GULP1: variants seen among roughly 807,000 people sequenced by gnomAD.
GULP1 encodes the protein PTB domain-containing engulfment adapter protein 1.
A neutral mutation model predicts 40.9 loss-of-function variants in GULP1; 19 were observed. That is an observed-to-expected ratio of 0.46 (90% CI 0.32 to 0.68). The LOEUF is 0.68. GULP1 is among the 30% of genes least tolerant of loss of function. The pLI, the probability that GULP1 is intolerant of heterozygous loss-of-function variation, is 0.03. For missense variants in GULP1, 312 were observed against 362.2 expected, an observed-to-expected ratio of 0.86 and a Z score of 1.12; for synonymous variants, 119 against 117.6, an observed-to-expected ratio of 1.01 and a Z score of -0.08.
At chr2:188,369,666 G>C (rs989797997) in intron 1 of GULP1, among the ~76,000 whole-genome samples, 2 of 152,056 alleles carry the variant, frequency 1.3e-5, no homozygotes, top group Admixed American at 6.5e-5. Context: ...ACCATTTTCT[G>C]TCTCGGTTTC....
At chr2:188,405,569 G>C (rs1426277323) in intron 2 of GULP1, among the ~76,000 whole-genome samples, 2 of 152,122 alleles carry the variant, frequency 1.3e-5, no homozygotes, top group Non-Finnish European at 1.5e-5. Context: ...AGCTCTGTTG[G>C]ACCCAGGCTT....
chr2:188,525,225 T>C (rs1685859001), intron 5 of GULP1, among the ~76,000 whole-genome samples: 1 of 152,116 alleles, frequency 6.6e-6, no homozygotes, highest in Admixed American at 6.5e-5. Flanking sequence ...CAGCAGTTTC[T>C]ATTTCTTAAT....
chr2:188,345,981 A>G (rs2043595826), intron 1 of GULP1, among the ~76,000 whole-genome samples: 1 of 152,260 alleles, frequency 6.6e-6, no homozygotes, highest in Admixed American at 6.5e-5. Context: ...GTTTAATGCC[A>G]TAACACAAAA....
At chr2:188,387,876 TA>T (rs1177040602) in intron 2 of GULP1, among the ~76,000 whole-genome samples, 2 of 151,906 alleles carry the variant, frequency 1.3e-5, no homozygotes, top group African/African-American at 4.8e-5. Context: ...GTTTTTTTTT[TA>T]AATTTTTTTG....
chr2:188,538,531 A>G (rs185686545), intron 6 of GULP1, among the ~76,000 whole-genome samples: 1 of 152,276 alleles, frequency 6.6e-6, no homozygotes, highest in East Asian at 1.9e-4. Context: ...ATACGAATAT[A>G]GAGTATATGA....
chr2:188,570,254 G>A (rs994268984), intron 9 of GULP1, 134 bp downstream of exon 9: 10 of 544,350 alleles, frequency 1.8e-5, no homozygotes, highest in East Asian at 1.7e-4. Flanking sequence ...GATGAAGGCT[G>A]CTAAGCAGTT....
chr2:188,535,854 A>G (rs1311876944), intron 6 of GULP1, among the ~76,000 whole-genome samples: 1 of 152,164 alleles, frequency 6.6e-6, no homozygotes, highest in Non-Finnish European at 1.5e-5. Context: ...CCTCACCAGC[A>G]TCTGTTGTTT....
At chr2:188,450,827 A>G (rs1056639791) in intron 2 of GULP1, among the ~76,000 whole-genome samples, 1 of 152,192 alleles carries the variant, frequency 6.6e-6, no homozygotes, top group African/African-American at 2.4e-5. Flanking sequence ...GGATTACTCC[A>G]TGTTTCAGGA....
intron 2 of GULP1, among the ~76,000 whole-genome samples, chr2:188,440,508 A>G (rs1248301308): frequency 6.6e-6 from 1 of 152,182 alleles, no homozygotes; most frequent in African/African-American, 2.4e-5. Context: ...TATACTGCTT[A>G]CATTGTTTAT....
At chr2:188,297,160 T>C (rs958296566) in intron 1 of GULP1, among the ~76,000 whole-genome samples, 5 of 152,048 alleles carry the variant, frequency 3.3e-5, no homozygotes, top group Admixed American at 6.6e-5. Context: ...CTTTTTTTTT[T>C]CTTTTTTCCA....
chr2:188,491,842 G>C (rs2153098241), intron 4 of GULP1, among the ~76,000 whole-genome samples: 1 of 152,128 alleles, frequency 6.6e-6, no homozygotes, highest in Admixed American at 6.6e-5. Context: ...CTTTCTTGTA[G>C]TATTTTGAAC....
chr2:188,480,307 C>G (rs1265971802), intron 3 of GULP1, among the ~76,000 whole-genome samples: 2 of 151,952 alleles, frequency 1.3e-5, no homozygotes, highest in Non-Finnish European at 2.9e-5. Context: ...GTATCCTAAA[C>G]AAAGCAAGGT....
chr2:188,417,614 A>C (rs2054759876), intron 2 of GULP1, among the ~76,000 whole-genome samples: 1 of 152,334 alleles, frequency 6.6e-6, no homozygotes, highest in Non-Finnish European at 1.5e-5. Context: ...AAAGATAAGT[A>C]TATTTAATTT....
intron 2 of GULP1, among the ~76,000 whole-genome samples, chr2:188,469,434 T>C (rs972495421): frequency 5.3e-5 from 8 of 152,120 alleles, no homozygotes; most frequent in African/African-American, 1.7e-4. Context: ...TGAAACTGGG[T>C]AAATTATAAA....
At chr2:188,472,750 A>G (rs555586687) in intron 2 of GULP1, among the ~76,000 whole-genome samples, 143 of 152,336 alleles carry the variant, frequency 9.4e-4, no homozygotes, top group Non-Finnish European at 1.5e-3. Flanking sequence ...TCTGTCTGAA[A>G]GGTGACACAT....
chr2:188,400,441 G>T (rs908877882), intron 2 of GULP1, among the ~76,000 whole-genome samples: 3 of 152,184 alleles, frequency 2.0e-5, no homozygotes, highest in Non-Finnish European at 4.4e-5. Flanking sequence ...GGGGTACATT[G>T]TTCTGTTGGT....
intron 1 of GULP1, among the ~76,000 whole-genome samples, chr2:188,339,128 T>C (rs1397719595): frequency 2.0e-5 from 3 of 152,206 alleles, no homozygotes; most frequent in African/African-American, 7.2e-5. Context: ...ATAGAAGACA[T>C]GAGGTACTCT....
At chr2:188,415,646 T>C (rs1000621663) in intron 2 of GULP1, among the ~76,000 whole-genome samples, 2 of 152,072 alleles carry the variant, frequency 1.3e-5, no homozygotes, top group African/African-American at 2.4e-5. Context: ...AAAGAAGACA[T>C]GGATGAATAT....
chr2:188,297,226 G>A (rs1219107076), intron 1 of GULP1, among the ~76,000 whole-genome samples: 3 of 151,462 alleles, frequency 2.0e-5, no homozygotes, highest in Non-Finnish European at 2.9e-5. Context: ...GAGAAAAATA[G>A]TTGGCAAGAT....
Sources: gnomAD v4.1 joint callset for allele counts (sites outside exome capture counted in the v4.1 genomes callset) on GRCh38, gnomAD v4.1.1 for gene constraint, MANE v1.5 for transcripts, NCBI Gene and HGNC (gene_info 2026-07-23, HGNC 2026-07-21) for gene names.